Variants in MTBP observed in about 807,000 individuals in gnomAD.
MTBP encodes the protein MDM2 binding protein, also known as mdm2-binding protein.
A neutral mutation model predicts 117.0 loss-of-function variants in MTBP; 101 were observed. The observed-to-expected ratio is 0.86, with a 90% CI of 0.73 to 1.02. The LOEUF (loss-of-function observed/expected upper bound fraction) is 1.02. MTBP is among the 50% of genes least tolerant of loss of function. MTBP has a pLI of 0.00. For synonymous variants in MTBP, 350 were observed against 351.5 expected, an observed-to-expected ratio of 1.00 and a Z score of 0.05; for missense variants, 970 against 1,030.9, an observed-to-expected ratio of 0.94 and a Z score of 0.81.
chr8:120,503,951 G>A (rs1814636638), intron 15 of MTBP, among the ~76,000 whole-genome samples: 1 of 152,070 alleles, frequency 6.6e-6, no homozygotes, highest in Admixed American at 6.6e-5. Context: ...CTTAGGGTGA[G>A]GACAGCTTTG....
intron 11 of MTBP, chr8:120,471,236 G>A: frequency 4.6e-6 from 1 of 217,188 alleles, no homozygotes. Flanking sequence ...TTTGTGAAAA[G>A]AGCAGTTCAT....
intron 11 of MTBP, chr8:120,472,380 C>A (rs967395548): frequency 6.6e-5 from 10 of 152,070 alleles, no homozygotes; most frequent in African/African-American, 2.4e-4. Flanking sequence ...TTGAGTTTTC[C>A]AGCAGTTTTG....
At chr8:120,506,587 GT>G in intron 15 of MTBP, 118 bp from the exon 16 acceptor site, 1 of 657,234 alleles carries the variant, frequency 1.5e-6, no homozygotes, top group Non-Finnish European at 2.4e-6. Context: ...TTGCTGGTGT[GT>G]TTTTCTGGTT....
intron 11 of MTBP, among the ~76,000 whole-genome samples, chr8:120,474,987 T>G (rs531952408): frequency 5.4e-4 from 82 of 152,222 alleles, no homozygotes; most frequent in African/African-American, 1.8e-3. Flanking sequence ...TATCTGCTTT[T>G]TCAACAGATA....
chr8:120,523,003 AAGTTT>A (rs1455376362), intron 21 of MTBP, among the ~76,000 whole-genome samples: 10 of 152,142 alleles, frequency 6.6e-5, no homozygotes, highest in African/African-American at 7.2e-5. Flanking sequence ...GCTGTTTTCA[AAGTTT>A]AGTTTAGTTT....
chr8:120,467,120 A>G (rs1813713781), intron 10 of MTBP, among the ~76,000 whole-genome samples: 1 of 152,180 alleles, frequency 6.6e-6, no homozygotes, highest in Non-Finnish European at 1.5e-5. Context: ...ATATAAGTAA[A>G]AACTTCTTGG....
At chr8:120,447,790 A>G in intron 2 of MTBP, among the ~76,000 whole-genome samples, 1 of 152,200 alleles carries the variant, frequency 6.6e-6, no homozygotes. Flanking sequence ...ATTTCTTTGT[A>G]AAAACCTTAC....
At chr8:120,511,946 C>T (rs937208500) in intron 17 of MTBP, among the ~76,000 whole-genome samples, 2 of 152,052 alleles carry the variant, frequency 1.3e-5, no homozygotes, top group Non-Finnish European at 2.9e-5. Context: ...GGTTCTTCTT[C>T]TCAAGTTGAG....
chr8:120,482,326 A>G (rs1219068905), intron 11 of MTBP, among the ~76,000 whole-genome samples: 1 of 152,220 alleles, frequency 6.6e-6, no homozygotes, highest in Non-Finnish European at 1.5e-5. Flanking sequence ...GAGTACTACT[A>G]CTTCCTTATT....
intron 10 of MTBP, among the ~76,000 whole-genome samples, chr8:120,469,933 C>G (rs938877280): frequency 1.3e-5 from 2 of 152,126 alleles, no homozygotes; most frequent in African/African-American, 4.8e-5. Context: ...TATTAGTGAT[C>G]ATGTATTTCA....
At chr8:120,518,263 A>G (rs934762605) in intron 19 of MTBP, among the ~76,000 whole-genome samples, 163 bp downstream of exon 19, 2 of 152,064 alleles carry the variant, frequency 1.3e-5, no homozygotes, top group Admixed American at 1.3e-4. Context: ...GATATAATTG[A>G]AACAAGATTA....
intron 2 of MTBP, among the ~76,000 whole-genome samples, chr8:120,450,303 A>G (rs1196157256): frequency 6.6e-6 from 1 of 152,208 alleles, no homozygotes; most frequent in African/African-American, 2.4e-5. Flanking sequence ...TTATTACCTA[A>G]TAGCTTCTAT....
At position 120,445,509 on chromosome 8, in the gene MTBP, A is replaced by C. The variant is rs146436573; in HGVS notation, c.39A>C (p.Gly13=). 3.1e-3 allele frequency: 4,978 copies of C among 1,613,506 alleles called. 8 individuals carry two copies. Among genetic ancestry groups the C allele is most frequent in the Middle Eastern group, 4.0e-3 (24 of 6,056 alleles). The change falls in exon 1 of 22, where the codon GGA becomes GGC. Residue 13 remains glycine (G), a synonymous_variant. Coordinates refer to ENST00000305949, the MANE Select transcript of MTBP (RefSeq NM_022045.5). ...TGCTGCTGGTGATCTGGGGGGAAGG[A>C]AAATTCCCGTCGGCGGCCAGTAGGG... The part of the protein sequence containing the change: ...RYLLLVIWGE[G]KFPSAASREA...
chr8:120,472,196 T>A (rs1813830801), intron 11 of MTBP: 1 of 152,208 alleles, frequency 6.6e-6, no homozygotes, highest in African/African-American at 2.4e-5. Flanking sequence ...ATCAGTAGCT[T>A]ATACAGTACA....
At chr8:120,447,513 C>G (rs1813252890) in intron 2 of MTBP, among the ~76,000 whole-genome samples, 1 of 151,970 alleles carries the variant, frequency 6.6e-6, no homozygotes, top group Admixed American at 6.6e-5. Flanking sequence ...AATTTTACTT[C>G]CCCCTTGCGT....
rs555092020 is a variant in MTBP at position 120,448,200 on chromosome 8, G to A, written c.199+1687G>A. 6.3e-4 allele frequency among the ~76,000 whole-genome samples: 96 copies of A among 152,254 alleles called. 1 individual carries two copies. The highest frequency in any genetic ancestry group is 2.1e-3 in the Admixed American group (32 of 15,290). On this transcript the variant is annotated intron_variant, in intron 2 of 21. Transcript: ENST00000305949. The stretch of plus-strand genomic sequence containing the variant: ...ACCTGTTTTGGCCTCCCAAAGTGCC[G>A]GGATTACAGATGTGAGCCACTGTGC...
At chr8:120,447,135 A>G (rs1813244907) in intron 2 of MTBP, among the ~76,000 whole-genome samples, 1 of 152,104 alleles carries the variant, frequency 6.6e-6, no homozygotes, top group Non-Finnish European at 1.5e-5. Context: ...TGTCCTTTAA[A>G]CGTTCTGAAA....
In MTBP at chr8:120,453,917, T is replaced by A. The variant is rs1242718266; in HGVS notation, c.484+12T>A. ...GCTTCCTGCTCCTGGTAATATTTTA[T>A]GACTGCTTTCAATAATTTGTATCTT... On this transcript the variant is annotated intron_variant, in intron 5 of 21. Coordinates refer to ENST00000305949, the MANE Select transcript of MTBP (RefSeq NM_022045.5). 2.6e-6 allele frequency: 4 copies of A among 1,518,620 alleles called. No homozygotes were observed. The highest frequency in any genetic ancestry group is 1.4e-5 in the African/African-American group (1 of 72,168). The allele number at this position is 1,518,620 out of a possible 1,614,324, so 94.1% of individuals were successfully genotyped here. A position where few individuals can be genotyped will look rare whatever the true frequency, so the allele number is the denominator to read the frequency against.
chr8:120,516,158 C>T lies in MTBP; in HGVS notation c.2213C>T (p.Ser738Phe), dbSNP rs769527619. Residue 738 changes from serine to phenylalanine, a missense_variant, in exon 18 of 22, where the codon TCT becomes TTT. By Grantham distance (155) the Ser-to-Phe change is radical. Transcript: ENST00000305949. ...RTEVSRLKRRSKDLNCLYPRK... is the reference protein window; with the variant it reads ...RTEVSRLKRRFKDLNCLYPRK... ...GAAGTATCCCGATTGAAACGGAGAT[C>T]TAAAGATCTGAATTGCCTTTATCCC... The T allele has an allele frequency of 6.2e-7, 1 of 1,612,112 alleles. No homozygotes were observed. The highest frequency in any genetic ancestry group is 1.3e-5 in the African/African-American group (1 of 74,922).
Sources: gnomAD v4.1 joint callset for allele counts (sites outside exome capture counted in the v4.1 genomes callset) on GRCh38, gnomAD v4.1.1 for gene constraint, MANE v1.5 for transcripts, NCBI Gene and HGNC (gene_info 2026-07-23, HGNC 2026-07-21) for gene names.